TNRC18: variants seen among roughly 807,000 people sequenced by gnomAD.
TNRC18 encodes trinucleotide repeat-containing gene 18 protein.
In TNRC18, 69 loss-of-function variants were observed where a neutral mutation model predicts 226.7. That is an observed-to-expected ratio of 0.30 (90% CI 0.25 to 0.37). The LOEUF (loss-of-function observed/expected upper bound fraction) is 0.37, where lower values mean the gene tolerates loss of function less well. TNRC18 is among the 10% of genes least tolerant of loss of function. TNRC18 has a pLI of 1.00. For synonymous variants in TNRC18, 2,449 were observed against 1,927.6 expected (o/e 1.27, Z -7.09); for missense variants, 4,754 against 4,256.6 (o/e 1.12, Z -3.25).
In TNRC18 at chr7:5,341,750, G is replaced by A. The variant is rs1488831883; in HGVS notation, c.5719+3812C>T. Among the ~76,000 whole-genome samples the A allele has an allele frequency of 5.6e-5, 7 of 125,306 alleles. No individual in the cohort carries two copies. The South Asian group carries it at 8.0e-4, about 14-fold the overall frequency. The allele number at this position is 125,306 out of a possible 152,430, so 82.2% of individuals were successfully genotyped here. A position where few individuals can be genotyped will look rare whatever the true frequency, so the allele number is the denominator to read the frequency against. ...CCACACTCCAGCCTGGCAAAAGAGC[G>A]AGACTCCGTCTCAAAAAAAAAAAAA... is the stretch of plus-strand genomic sequence containing the variant. On this transcript the variant is annotated intron_variant, in intron 18 of 29. Transcript: ENST00000430969.
Position 5,394,191 on chromosome 7 carries a change from CGGA to C in TNRC18, c.343+246_343+248del, listed in dbSNP as rs1780496191. On this transcript the variant is annotated intron_variant, in intron 3 of 29. Transcript: ENST00000430969. This position sits in a 1 kb window ranked among gnomAD's most constrained non-coding sequence, Gnocchi z 4.5. ...GGAAGAGGGGGTCTCTGAGCTGAGC[CGGA>C]GGAGGACTGGAAGGTGGTCTGTGGC... 6.6e-6 allele frequency among the ~76,000 whole-genome samples: 1 copy of C among 152,070 alleles called. No individual in the cohort carries two copies. Among genetic ancestry groups the C allele is most frequent in the African/African-American group, 2.4e-5 (1 of 41,398 alleles).
chr7:5,347,100 T>C (rs111593006), intron 17 of TNRC18, among the ~76,000 whole-genome samples: 23,194 of 151,566 alleles, frequency 0.15, 2,012 homozygotes, highest in Middle Eastern at 0.21. Flanking sequence ...CCCAGCCCTC[T>C]GAGAGGCTGA....
At chr7:5,348,974 G>A (rs1791498907) in intron 17 of TNRC18, among the ~76,000 whole-genome samples, 1 of 152,018 alleles carries the variant, frequency 6.6e-6, no homozygotes, top group Admixed American at 6.6e-5. Context: ...GCTGGTTGTG[G>A]GGTGGGGGCA....
chr7:5,420,503 C>T, intron 2 of TNRC18: 1 of 449,026 alleles, frequency 2.2e-6, no homozygotes, highest in Non-Finnish European at 4.5e-6. Context: ...CCCGCCCGCC[C>T]CGAGGCCAGG....
At chr7:5,372,209 A>C (rs1794221218) in intron 10 of TNRC18, among the ~76,000 whole-genome samples, 1 of 151,292 alleles carries the variant, frequency 6.6e-6, no homozygotes, top group African/African-American at 2.4e-5. Flanking sequence ...CTGGGACGAC[A>C]GGCGCCCGCC....
chr7:5,409,914 C>T (rs1310442702), intron 2 of TNRC18, among the ~76,000 whole-genome samples: 1 of 149,634 alleles, frequency 6.7e-6, no homozygotes, highest in African/African-American at 2.5e-5. Flanking sequence ...TGACATGAAC[C>T]CGGGAGGTGG....
Position 5,374,166 on chromosome 7 carries a change from GTGGGGAGGCGGGCGGCGGGCTGGT to G in TNRC18, c.3094_3117del (p.Thr1032_Pro1039del). On this transcript the variant is annotated inframe_deletion, in exon 10 of 30. Transcript: ENST00000430969. Reference sequence around the variant, plus strand: ...TTGCGGGTGATACCCGGGGTGGGCGGTGGGGAGGCGGGCGGCGGGCTGGTGGGGTGGGAGCTGGGGGTGGCGGGG... The same window carrying G: ...TTGCGGGTGATACCCGGGGTGGGCGGGGGGTGGGAGCTGGGGGTGGCGGGG... 6.9e-7 allele frequency: 1 copy of G among 1,449,536 alleles called. No homozygotes were observed. The highest frequency in any genetic ancestry group is 9.1e-7 in the Non-Finnish European group (1 of 1,100,934). The allele number at this position is 1,449,536 out of a possible 1,614,324, so 89.8% of individuals were successfully genotyped here. A position where few individuals can be genotyped will look rare whatever the true frequency, so the allele number is the denominator to read the frequency against.
intron 1 of TNRC18, chr7:5,423,179 C>T (rs1209509715): frequency 1.3e-5 from 2 of 152,348 alleles, no homozygotes; most frequent in African/African-American, 4.8e-5. Context: ...AGAGAGGAAC[C>T]GCCGCCCCTC....
intron 19 of TNRC18, among the ~76,000 whole-genome samples, chr7:5,330,138 A>T (rs1029298293): frequency 6.6e-6 from 1 of 152,078 alleles, no homozygotes; most frequent in African/African-American, 2.4e-5. Flanking sequence ...CACCATGTTG[A>T]CCAGGCTGGT....
Position 5,394,517 on chromosome 7 carries a change from G to A in TNRC18, c.266C>T (p.Pro89Leu). 6.4e-7 allele frequency: 1 copy of A among 1,556,374 alleles called. No individual in the cohort carries two copies. The highest frequency in any genetic ancestry group is 8.7e-7 in the Non-Finnish European group (1 of 1,152,062). Reference sequence around the variant, plus strand: ...TGGGGAGCGGAAAGACAGGTCAGAGGGCAGTGGCACTGGGCTCCCATGGGA... The same window carrying A: ...TGGGGAGCGGAAAGACAGGTCAGAGAGCAGTGGCACTGGGCTCCCATGGGA... ...ASSHGSPVPL[P>L]SDLSFRSPTP... The change falls in exon 3 of 30, where the codon CCC (proline) becomes CTC (leucine). Residue 89 changes from proline (P) to leucine (L), a missense_variant. Physicochemically the swap from Pro to Leu is moderately conservative, Grantham distance 98. Transcript: ENST00000430969. The surrounding 1 kb of genome is among the most constrained non-coding windows in gnomAD (Gnocchi z 4.5).
In TNRC18 at chr7:5,332,784, C is replaced by A; in HGVS notation, c.5985G>T (p.Thr1995=). Residue 1995 remains threonine (T), a synonymous_variant, in exon 19 of 30, where the codon ACG becomes ACT. Coordinates refer to ENST00000430969, the MANE Select transcript of TNRC18 (RefSeq NM_001080495.3). The part of the protein sequence containing the change: ...GPEASDDDLW[T]RRRSERIFLH... Reference sequence around the variant, plus strand: ...GGAAGATGCGCTCGCTGCGGCGCCGCGTCCACAGGTCGTCGTCGCTGGCCT... The same window carrying A: ...GGAAGATGCGCTCGCTGCGGCGCCGAGTCCACAGGTCGTCGTCGCTGGCCT... The A allele has an allele frequency of 6.6e-7, 1 of 1,513,268 alleles. No individual in the cohort carries two copies. Among genetic ancestry groups the A allele is most frequent in the Non-Finnish European group, 8.8e-7 (1 of 1,138,022 alleles). 93.7% of individuals were successfully genotyped at this position (1,513,268 alleles called of 1,614,324 possible).
At chr7:5,412,781 TGG>T (rs1781928245) in intron 2 of TNRC18, among the ~76,000 whole-genome samples, 1 of 152,128 alleles carries the variant, frequency 6.6e-6, no homozygotes, top group Admixed American at 6.6e-5. Context: ...GTGTTCTATC[TGG>T]GGATTACCAG....
At chr7:5,375,405 C>G (rs1424071654) in intron 9 of TNRC18, among the ~76,000 whole-genome samples, 1 of 152,182 alleles carries the variant, frequency 6.6e-6, no homozygotes, top group Non-Finnish European at 1.5e-5. Context: ...CATTTAGCAA[C>G]CCAAGGACTA....
rs1554297477 is a variant in TNRC18, at chr7:5,389,461, G to GTTTTTTTGTTTTTTTTTTGTTTTTTT, written c.488-126_488-125insAAAAAAACAAAAAAAAAACAAAAAAA. On this transcript the variant is annotated intron_variant, in intron 4 of 29. Coordinates refer to ENST00000430969, the MANE Select transcript of TNRC18 (RefSeq NM_001080495.3). Reference sequence around the variant, plus strand: ...TGCCTCCCCCAGTGTTTTGGTTTTGGTTTTTTTTTTCAGAAAGAGTCTCGC... The same window carrying GTTTTTTTGTTTTTTTTTTGTTTTTTT: ...TGCCTCCCCCAGTGTTTTGGTTTTGGTTTTTTTGTTTTTTTTTTGTTTTTTTTTTTTTTTTTCAGAAAGAGTCTCGC... 1,218 of 564,726 alleles carry GTTTTTTTGTTTTTTTTTTGTTTTTTT rather than the reference G, an allele frequency of 2.2e-3. 34 individuals carry two copies. Among genetic ancestry groups the GTTTTTTTGTTTTTTTTTTGTTTTTTT allele is most frequent in the African/African-American group, 3.4e-3 (124 of 36,732 alleles). 35.0% of individuals were successfully genotyped at this position (564,726 alleles called of 1,614,324 possible).
chr7:5,326,136 CCA>C lies in TNRC18; in HGVS notation c.6148-890_6148-889del, dbSNP rs140901075. ...CTCTCCAGTGACCCTCCTACCAACT[CCA>C]CAGAGTCAGCTACTAGTAACAGCAT... On this transcript the variant is annotated intron_variant, in intron 19 of 29. Coordinates refer to ENST00000430969, the MANE Select transcript of TNRC18 (RefSeq NM_001080495.3). 7.1e-3 allele frequency among the ~76,000 whole-genome samples: 1,079 copies of C among 152,204 alleles called. 14 individuals carry two copies. Among genetic ancestry groups the C allele is most frequent in the African/African-American group, 0.025 (1,026 of 41,538 alleles).
In TNRC18 at chr7:5,362,737, G is replaced by T. The variant is rs370362251; in HGVS notation, c.4308C>A (p.Pro1436=). 6.4e-7 allele frequency: 1 copy of T among 1,573,358 alleles called. No individual in the cohort carries two copies. The stretch of plus-strand genomic sequence containing the variant: ...GCAGGTTCTTGAGTGGGTCCACCAC[G>T]GGCCCATCCAGCACCTCCCTCAGCA... ...SHMLREVLDG[P]VVDPLKNLRL... The change falls in exon 12 of 30, where the codon CCC becomes CCA. Residue 1436 remains proline, a synonymous_variant. Coordinates refer to ENST00000430969, the MANE Select transcript of TNRC18 (RefSeq NM_001080495.3).
Position 5,378,290 on chromosome 7 carries a change from A to G in TNRC18, c.2153-266T>C, listed in dbSNP as rs1260906690. On this transcript the variant is annotated intron_variant, in intron 5 of 29. Coordinates refer to ENST00000430969, the MANE Select transcript of TNRC18 (RefSeq NM_001080495.3). Reference sequence around the variant, plus strand: ...GCCTGTCTATGTCCCCTAGACAGACAACCGTGGCGATAATTAGGCCAACAG... The same window carrying G: ...GCCTGTCTATGTCCCCTAGACAGACGACCGTGGCGATAATTAGGCCAACAG... 2.6e-5 allele frequency among the ~76,000 whole-genome samples: 4 copies of G among 152,256 alleles called. No homozygotes were observed. In the East Asian group the frequency reaches 7.7e-4, roughly 29 times the overall value.
chr7:5,405,229 A>G (rs1000965033), intron 2 of TNRC18, among the ~76,000 whole-genome samples: 4 of 152,174 alleles, frequency 2.6e-5, no homozygotes, highest in Non-Finnish European at 5.9e-5. Flanking sequence ...GGATTTCAAG[A>G]CCAGACTGGC....
rs755681588 is a variant in TNRC18, at chr7:5,309,331, T to C, written c.8426A>G (p.Tyr2809Cys). 1 of 1,613,690 alleles carries C rather than the reference T, an allele frequency of 6.2e-7. No individual in the cohort carries two copies. The highest frequency in any genetic ancestry group is 8.5e-7 in the Non-Finnish European group (1 of 1,179,796). The change falls in exon 28 of 30, where the codon TAC becomes TGC. Residue 2809 changes from tyrosine to cysteine, a missense_variant. Coordinates refer to ENST00000430969, the MANE Select transcript of TNRC18 (RefSeq NM_001080495.3). The surrounding 1 kb of genome is among the most constrained non-coding windows in gnomAD (Gnocchi z 5.7). ...CTCCTTGCCGCGCACGATGGCCTTG[T>C]AGAAGAGCTTGCGGGCCTTGCCCTT... ...GMKGKARKLF[Y>C]KAIVRGKEMI...
Sources: gnomAD v4.1 joint callset for allele counts (sites outside exome capture counted in the v4.1 genomes callset) on GRCh38, gnomAD v4.1.1 for gene constraint, Gnocchi (gnomAD v3.1) non-coding constraint, MANE v1.5 for transcripts, NCBI Gene and HGNC (gene_info 2026-07-23, HGNC 2026-07-21) for gene names.